OR56A3: variants seen among roughly 807,000 people sequenced by gnomAD.
OR56A3 encodes olfactory receptor family 56 subfamily A member 3.
A neutral mutation model predicts 17.5 loss-of-function variants in OR56A3; 23 were observed. The ratio of observed to expected loss-of-function variants is 1.32; its 90% CI spans 0.95 to 1.87. The LOEUF (loss-of-function observed/expected upper bound fraction) is 1.87. Among genes scored for constraint, OR56A3 ranks in the 40% most tolerant of loss-of-function variants. OR56A3 has a pLI of 0.00. For synonymous variants in OR56A3, 175 were observed against 150.6 expected, an observed-to-expected ratio of 1.16 and a Z score of -1.19; for missense variants, 366 against 380.1, an observed-to-expected ratio of 0.96 and a Z score of 0.31.
chr11:5,995,820 T>C, the OR56A3 span, among the ~76,000 whole-genome samples: 2 of 152,194 alleles, frequency 1.3e-5, no homozygotes, highest in African/African-American at 2.4e-5. Context: ...CGCTGTGCAA[T>C]AGATCTCTTG....
the OR56A3 span, among the ~76,000 whole-genome samples, chr11:5,997,190 T>A: frequency 6.6e-6 from 1 of 152,160 alleles, no homozygotes; most frequent in Non-Finnish European, 1.5e-5. Context: ...TTTGCCCCCA[T>A]GGGAAAGCAG....
At chr11:5,954,640 C>T (rs758435395), downstream of OR56A3, among the ~76,000 whole-genome samples, 14 of 152,022 alleles carry the variant, frequency 9.2e-5, no homozygotes, top group African/African-American at 2.9e-4. Flanking sequence ...AATATTAATT[C>T]TTAAAATTGC....
the OR56A3 span, among the ~76,000 whole-genome samples, chr11:5,962,790 G>C: frequency 6.6e-6 from 1 of 151,894 alleles, no homozygotes; most frequent in Non-Finnish European, 1.5e-5. Flanking sequence ...CACCCGCCTC[G>C]GCCTCCCAAA....
the OR56A3 span, among the ~76,000 whole-genome samples, chr11:5,962,393 A>G: frequency 2.0e-5 from 3 of 152,168 alleles, no homozygotes; most frequent in Non-Finnish European, 2.9e-5. Flanking sequence ...GTATCCCGGT[A>G]ATGCTGACCT....
chr11:5,944,381 C>G (rs11039787), intron 1 of OR56A3, among the ~76,000 whole-genome samples: 2 of 151,944 alleles, frequency 1.3e-5, no homozygotes, highest in East Asian at 3.9e-4. Flanking sequence ...AAGCAGGAGT[C>G]GGAGTTGCAA....
chr11:5,962,147 G>C, the OR56A3 span, among the ~76,000 whole-genome samples: 2 of 152,176 alleles, frequency 1.3e-5, no homozygotes, highest in African/African-American at 2.4e-5. Flanking sequence ...GAAATGATTC[G>C]ATGATTTTTG....
chr11:6,017,885 T>C, the OR56A3 span, among the ~76,000 whole-genome samples: 1 of 152,094 alleles, frequency 6.6e-6, no homozygotes, highest in Non-Finnish European at 1.5e-5. Flanking sequence ...TTCATGCAAA[T>C]TGAAACCAAA....
chr11:5,967,685 T>G, the OR56A3 span: 3 of 1,613,776 alleles, frequency 1.9e-6, no homozygotes, highest in East Asian at 4.5e-5. Flanking sequence ...CCGGAGGAAT[T>G]CTCTTCCTGG....
the OR56A3 span, chr11:6,002,342 AATAAGG>A: frequency 6.2e-7 from 1 of 1,614,180 alleles, no homozygotes; most frequent in African/African-American, 1.3e-5. Context: ...AGGAGATAAC[AATAAGG>A]ATAAGATCAG....
the OR56A3 span, among the ~76,000 whole-genome samples, chr11:6,017,725 AC>A: frequency 6.6e-6 from 1 of 152,192 alleles, no homozygotes; most frequent in African/African-American, 2.4e-5. Context: ...GTCAGTAATA[AC>A]TTTTAATGTA....
At chr11:5,968,114 C>T in the OR56A3 span, 3 of 1,613,952 alleles carry the variant, frequency 1.9e-6, no homozygotes, top group East Asian at 6.7e-5. Flanking sequence ...TGCAGATGGC[C>T]ACATAGCGGT....
At chr11:6,011,001 G>A in the OR56A3 span, among the ~76,000 whole-genome samples, 8 of 151,964 alleles carry the variant, frequency 5.3e-5, no homozygotes, top group Non-Finnish European at 1.0e-4. Context: ...CCACTAAAAT[G>A]TGTTTGTGTT....
chr11:5,957,423 T>G, the OR56A3 span, among the ~76,000 whole-genome samples: 1 of 152,244 alleles, frequency 6.6e-6, no homozygotes, highest in Non-Finnish European at 1.5e-5. Context: ...GTTATTTTTC[T>G]TGACTCAGTA....
At chr11:5,985,389 A>G in the OR56A3 span, among the ~76,000 whole-genome samples, 1 of 152,212 alleles carries the variant, frequency 6.6e-6, no homozygotes, top group Non-Finnish European at 1.5e-5. Flanking sequence ...GCCTATTACC[A>G]TAACTTCTCC....
At chr11:6,014,091 A>T in the OR56A3 span, among the ~76,000 whole-genome samples, 1 of 152,180 alleles carries the variant, frequency 6.6e-6, no homozygotes, top group African/African-American at 2.4e-5. Context: ...CTACTGGCCC[A>T]AAGACAGGAA....
chr11:5,988,239 C>T, the OR56A3 span, among the ~76,000 whole-genome samples: 1 of 152,120 alleles, frequency 6.6e-6, no homozygotes, highest in Non-Finnish European at 1.5e-5. Context: ...GTTCAGAGCA[C>T]TTTATAATCT....
chr11:6,010,843 G>GTGTA, the OR56A3 span, among the ~76,000 whole-genome samples: 1 of 136,946 alleles, frequency 7.3e-6, no homozygotes, highest in African/African-American at 2.8e-5. Context: ...GTGTGTGTGT[G>GTGTA]TGTGTGTGCA....
chr11:5,974,109 C>CTTT, the OR56A3 span, among the ~76,000 whole-genome samples: 4 of 141,776 alleles, frequency 2.8e-5, no homozygotes, highest in Non-Finnish European at 3.0e-5. Context: ...TTATTAAACT[C>CTTT]TTTTTTTTTT....
chr11:6,017,613 C>T, the OR56A3 span, among the ~76,000 whole-genome samples: 2 of 152,104 alleles, frequency 1.3e-5, no homozygotes, highest in East Asian at 3.9e-4. Flanking sequence ...GATTACAATT[C>T]GACATGAGAT....
Sources: allele counts gnomAD v4.1 joint callset (sites outside exome capture counted in the v4.1 genomes callset), GRCh38; gene constraint gnomAD v4.1.1; transcripts MANE v1.5; gene names NCBI Gene and HGNC (gene_info 2026-07-23, HGNC 2026-07-21).